Variants in SLCO1C1 observed in about 807,000 individuals in gnomAD.
SLCO1C1 encodes the protein solute carrier organic anion transporter family member 1C1.
Under a neutral mutation model 76.4 loss-of-function variants are expected in SLCO1C1, and 70 were observed. The ratio of observed to expected loss-of-function variants is 0.92; its 90% CI spans 0.76 to 1.12. The LOEUF is 1.12. Among genes scored for constraint, SLCO1C1 ranks in the 50% most tolerant of loss-of-function variants. SLCO1C1 has a pLI of 0.00. For missense variants in SLCO1C1, 912 were observed against 823.8 expected (o/e 1.11, Z -1.31); for synonymous variants, 306 against 286.1 (o/e 1.07, Z -0.70).
chr12:20,750,731 T>C lies in SLCO1C1; in HGVS notation c.1855T>C (p.Trp619Arg). 2 of 1,614,064 alleles carry C rather than the reference T, an allele frequency of 1.2e-6. No homozygotes were observed. Among genetic ancestry groups the C allele is most frequent in the South Asian group, 1.1e-5 (1 of 91,082 alleles). The change falls in exon 14 of 15, where the codon TGG (tryptophan) becomes CGG (arginine). Residue 619 changes from tryptophan (W) to arginine (R), a missense_variant. Transcript: ENST00000266509. ...TTTGATTGATACTTCATGCCTCAAATGGGGATTTAAAAGATGTGGAAGTAG... is the reference window on the plus strand; with the variant it reads ...TTTGATTGATACTTCATGCCTCAAACGGGGATTTAAAAGATGTGGAAGTAG... ...GVLIDTSCLK[W>R]GFKRCGSRGS...
Position 20,715,288 on chromosome 12 carries a change from A to AAT in SLCO1C1, c.676+6_676+7dup. ...AGACAATGCAGCTTTCTATATTGGTAATATTGGCATATTGCTTCACTTATC... is the reference window on the plus strand; with the variant it reads ...AGACAATGCAGCTTTCTATATTGGTAATATATTGGCATATTGCTTCACTTATC... On this transcript the variant is annotated splice_donor_region_variant and intron_variant, in intron 6 of 14. Transcript: ENST00000266509. 6.2e-7 allele frequency: 1 copy of AAT among 1,613,634 alleles called. No homozygotes were observed. Among genetic ancestry groups the AAT allele is most frequent in the Non-Finnish European group, 8.5e-7 (1 of 1,179,792 alleles).
intron 13 of SLCO1C1, among the ~76,000 whole-genome samples, chr12:20,750,473 A>C (rs1949247646): frequency 6.6e-6 from 1 of 152,166 alleles, no homozygotes; most frequent in African/African-American, 2.4e-5. Flanking sequence ...CTGGAGATAA[A>C]TAAATGGCAG....
intron 5 of SLCO1C1, 118 bp downstream of exon 5, chr12:20,711,628 G>A (rs566900485): frequency 7.7e-6 from 8 of 1,037,556 alleles, no homozygotes; most frequent in East Asian, 7.7e-5. Flanking sequence ...TACTTAAATT[G>A]AGATATCACA....
In SLCO1C1 at chr12:20,706,017, G is replaced by A. The variant is rs764049864; in HGVS notation, c.340G>A (p.Ala114Thr). ...ACTTCACAGGCCAAAAATAATTGGA[G>A]CAGGGTGTGTAATCATGGGAGTTGG... ...AKLHRPKIIG[A>T]GCVIMGVGTL... is the part of the protein sequence containing the mutation. Residue 114 changes from alanine (A) to threonine (T), a missense_variant, in exon 4 of 15, where the codon GCA (alanine) becomes ACA (threonine). Physicochemically the swap from Ala to Thr is moderately conservative, Grantham distance 58. Transcript: ENST00000266509. 1 of 1,613,462 alleles carries A rather than the reference G, an allele frequency of 6.2e-7. No individual in the cohort carries two copies.
chr12:20,718,908 A>G (rs1290297865), intron 7 of SLCO1C1, among the ~76,000 whole-genome samples: 4 of 152,182 alleles, frequency 2.6e-5, no homozygotes, highest in Admixed American at 1.3e-4. Context: ...AATAACAGAG[A>G]AAATACAGAC....
intron 13 of SLCO1C1, among the ~76,000 whole-genome samples, chr12:20,746,386 A>G (rs4531518): frequency 0.44 from 66,226 of 152,012 alleles, 17,167 homozygotes; most frequent in South Asian, 0.63. Context: ...CCTTTCTTCT[A>G]TTAACTGTAT....
intron 10 of SLCO1C1, among the ~76,000 whole-genome samples, chr12:20,733,948 T>C (rs1318966092): frequency 6.6e-6 from 1 of 152,158 alleles, no homozygotes; most frequent in African/African-American, 2.4e-5. Flanking sequence ...ATTTCACCTA[T>C]ATATGCATTA....
intron 5 of SLCO1C1, 56 bp downstream of exon 5, chr12:20,711,566 G>A (rs1947103527): frequency 1.9e-6 from 3 of 1,578,134 alleles, no homozygotes; most frequent in Non-Finnish European, 8.6e-7. Context: ...GACTTTATAT[G>A]TGCTTTAGGA....
At chr12:20,723,806 A>T (rs142240072) in intron 9 of SLCO1C1, among the ~76,000 whole-genome samples, 1 of 152,312 alleles carries the variant, frequency 6.6e-6, no homozygotes, top group African/African-American at 2.4e-5. Flanking sequence ...ATATTTTAAA[A>T]ATCAAGATTC....
At position 20,752,532 on chromosome 12, in the gene SLCO1C1, CATG is replaced by C. The variant is rs760051560; in HGVS notation, c.*9_*11del. Reference sequence around the variant, plus strand: ...AGGCAAGGAAACTCAACTTTAGAAACATGATGACTGGAAGTCATGTCTTCTAAT... The same window carrying C: ...AGGCAAGGAAACTCAACTTTAGAAACATGACTGGAAGTCATGTCTTCTAAT... On this transcript the variant is annotated 3_prime_UTR_variant, in exon 15 of 15. Transcript: ENST00000266509. 9 of 1,571,890 alleles carry C rather than the reference CATG, an allele frequency of 5.7e-6. No homozygotes were observed. The highest frequency in any genetic ancestry group is 6.9e-6 in the Non-Finnish European group (8 of 1,158,256).
At chr12:20,717,922 G>A (rs117669456) in intron 7 of SLCO1C1, among the ~76,000 whole-genome samples, 5,156 of 151,670 alleles carry the variant, frequency 0.034, 147 homozygotes, top group Middle Eastern at 0.082. Flanking sequence ...CTAAACAAGC[G>A]TCACTTAAAC....
chr12:20,712,067 G>C (rs1443575306), intron 5 of SLCO1C1, among the ~76,000 whole-genome samples: 1 of 152,140 alleles, frequency 6.6e-6, no homozygotes, highest in African/African-American at 2.4e-5. Context: ...TGGTCACACT[G>C]TTTGGTCATA....
At chr12:20,745,948 T>C (rs1347994740) in intron 13 of SLCO1C1, among the ~76,000 whole-genome samples, 1 of 152,130 alleles carries the variant, frequency 6.6e-6, no homozygotes, top group East Asian at 1.9e-4. Context: ...TCCTGAAAAT[T>C]CTAGAAACTT....
intron 12 of SLCO1C1, among the ~76,000 whole-genome samples, chr12:20,742,368 A>G (rs1948856114): frequency 6.6e-6 from 1 of 151,498 alleles, no homozygotes; most frequent in Admixed American, 6.6e-5. Context: ...AGCAGAGACT[A>G]AATGATATAA....
At chr12:20,712,085 G>A (rs1343809284) in intron 5 of SLCO1C1, among the ~76,000 whole-genome samples, 1 of 152,114 alleles carries the variant, frequency 6.6e-6, no homozygotes, top group Admixed American at 6.5e-5. Flanking sequence ...ATACTTGTCA[G>A]CATGGGGCTA....
At chr12:20,727,204 T>C (rs1214127053) in intron 9 of SLCO1C1, among the ~76,000 whole-genome samples, 1 of 152,200 alleles carries the variant, frequency 6.6e-6, no homozygotes, top group South Asian at 2.1e-4. Flanking sequence ...TATTTTCTTT[T>C]GGGTTTATAC....
At chr12:20,708,041 C>T (rs891435319) in intron 4 of SLCO1C1, among the ~76,000 whole-genome samples, 2 of 152,170 alleles carry the variant, frequency 1.3e-5, no homozygotes, top group African/African-American at 4.8e-5. Context: ...ACAATTCTTC[C>T]TTCATGAAGC....
chr12:20,739,417 T>C (rs921898584), intron 11 of SLCO1C1, among the ~76,000 whole-genome samples: 2 of 151,422 alleles, frequency 1.3e-5, no homozygotes, highest in African/African-American at 4.8e-5. Flanking sequence ...TTTAAATGGA[T>C]AGTCATAGAA....
At chr12:20,699,186 C>G (rs1461589190) in intron 1 of SLCO1C1, among the ~76,000 whole-genome samples, 1 of 151,984 alleles carries the variant, frequency 6.6e-6, no homozygotes, top group Non-Finnish European at 1.5e-5. Flanking sequence ...AATCAATATT[C>G]AAATAGTTGA....
Sources: allele counts gnomAD v4.1 joint callset (sites outside exome capture counted in the v4.1 genomes callset), GRCh38; gene constraint gnomAD v4.1.1; transcripts MANE v1.5; gene names NCBI Gene and HGNC (gene_info 2026-07-23, HGNC 2026-07-21).